MAPK8IP3: variants seen among roughly 807,000 people sequenced by gnomAD.
MAPK8IP3 encodes mitogen-activated protein kinase 8 interacting protein 3.
MAPK8IP3 carries 49 observed loss-of-function variants against 157.8 expected under a neutral mutation model. That is an observed-to-expected ratio of 0.31 (90% CI 0.25 to 0.39). The LOEUF (loss-of-function observed/expected upper bound fraction) is 0.39. Among genes scored for constraint, MAPK8IP3 ranks in the 10% least tolerant of loss-of-function variants. The pLI, the probability that MAPK8IP3 is intolerant of heterozygous loss-of-function variation, is 1.00. For synonymous variants in MAPK8IP3, 897 were observed against 777.7 expected, an observed-to-expected ratio of 1.15 and a Z score of -2.55; for missense variants, 1,478 against 1,889.4, an observed-to-expected ratio of 0.78 and a Z score of 4.04.
In MAPK8IP3 at chr16:1,743,779, T is replaced by C; in HGVS notation, c.747+303T>C. On this transcript the variant is annotated intron_variant, in intron 5 of 31. Coordinates refer to ENST00000610761, the MANE Select transcript of MAPK8IP3 (RefSeq NM_001318852.2). The surrounding 1 kb of genome is among the most constrained non-coding windows in gnomAD (Gnocchi z 5.6). Reference sequence around the variant, plus strand: ...CAGGGGTGTACAGTGCCTGTCAGGGTTGAGCTTAGTGATCCTCTCTCAAAC... The same window carrying C: ...CAGGGGTGTACAGTGCCTGTCAGGGCTGAGCTTAGTGATCCTCTCTCAAAC... The C allele has an allele frequency of 7.8e-7, 1 of 1,283,504 alleles. No homozygotes were observed. Among genetic ancestry groups the C allele is most frequent in the Non-Finnish European group, 9.8e-7 (1 of 1,016,686 alleles). 79.5% of individuals were successfully genotyped at this position (1,283,504 alleles called of 1,614,324 possible). A position where few individuals can be genotyped will look rare whatever the true frequency, so the allele number is the denominator to read the frequency against.
rs368248249 is a variant in MAPK8IP3, at chr16:1,724,709, T to G, written c.439+32T>G. ...GGCTGGCGGGAGCCTGGAGGCGCGC[T>G]TGATGGGCGCTGCTCTGGGACGGCT... On this transcript the variant is annotated intron_variant, in intron 2 of 31. Transcript: ENST00000610761. The surrounding 1 kb of genome is among the most constrained non-coding windows in gnomAD (Gnocchi z 4.1). 5.6e-6 allele frequency: 9 copies of G among 1,603,724 alleles called. No homozygotes were observed. The highest frequency in any genetic ancestry group is 1.3e-5 in the African/African-American group (1 of 74,774).
chr16:1,739,532 GTGTGACCA>G (rs2040472509), intron 4 of MAPK8IP3, among the ~76,000 whole-genome samples: 1 of 132,788 alleles, frequency 7.5e-6, no homozygotes, highest in African/African-American at 2.9e-5. Flanking sequence ...GTGAGCTTCC[GTGTGACCA>G]TCCGTGTGAG....
At chr16:1,737,091 A>AGT (rs199510581) in intron 4 of MAPK8IP3, among the ~76,000 whole-genome samples, 1 of 52,002 alleles carries the variant, frequency 1.9e-5, no homozygotes, top group South Asian at 1.2e-3. Flanking sequence ...CGTCCGTGTG[A>AGT]GTGTGACCAT....
intron 4 of MAPK8IP3, among the ~76,000 whole-genome samples, chr16:1,731,822 G>A (rs1322845013): frequency 6.6e-6 from 1 of 152,196 alleles, no homozygotes; most frequent in African/African-American, 2.4e-5. Flanking sequence ...TCCCCTAGGG[G>A]CAATGGTTTA....
chr16:1,738,343 CGT>C (rs1299122296), intron 4 of MAPK8IP3, among the ~76,000 whole-genome samples: 19 of 67,342 alleles, frequency 2.8e-4, no homozygotes, highest in Middle Eastern at 0.013. Context: ...TGTGACCGTC[CGT>C]GTGTGTGACC....
intron 19 of MAPK8IP3, 62 bp from the exon 20 acceptor site, chr16:1,764,951 C>T: frequency 6.5e-7 from 1 of 1,531,664 alleles, no homozygotes; most frequent in Non-Finnish European, 8.9e-7. Context: ...CCCCATGGCC[C>T]TGTGCTGCCA....
intron 8 of MAPK8IP3, among the ~76,000 whole-genome samples, chr16:1,749,401 C>T (rs1305093034): frequency 2.6e-5 from 4 of 152,176 alleles, no homozygotes; most frequent in South Asian, 2.1e-4. Context: ...TTAGCCTCGC[C>T]GCACACCCTA....
rs775876460 is a variant in MAPK8IP3 at position 1,747,069 on chromosome 16, C to T, written c.788C>T (p.Ala263Val). Residue 263 changes from alanine to valine, a missense_variant, in exon 6 of 32, where the codon GCG becomes GTG. Coordinates refer to ENST00000610761, the MANE Select transcript of MAPK8IP3 (RefSeq NM_001318852.2). ...ATGTCCGAGTCAGGCCAGTCCTCGG[C>T]GGCCGCCACACCCAGCACCACAGGC... The part of the protein sequence containing the change: ...DEMSESGQSS[A>V]AATPSTTGTK... The T allele has an allele frequency of 1.5e-5, 24 of 1,613,450 alleles. No individual in the cohort carries two copies. Among genetic ancestry groups the T allele is most frequent in the South Asian group, 1.3e-4 (12 of 91,080 alleles).
chr16:1,747,309 C>G, intron 6 of MAPK8IP3, 34 bp downstream of exon 6: 1 of 1,603,300 alleles, frequency 6.2e-7, no homozygotes, highest in Non-Finnish European at 8.5e-7. Context: ...TGGGCTCCCT[C>G]GGGCAGGAGG....
At chr16:1,761,145 G>T in intron 12 of MAPK8IP3, 79 bp from the exon 13 acceptor site, 1 of 1,133,786 alleles carries the variant, frequency 8.8e-7, no homozygotes. Flanking sequence ...ACACAGGTTC[G>T]GGGCGGGCAC....
intron 4 of MAPK8IP3, among the ~76,000 whole-genome samples, chr16:1,733,456 C>T (rs756502903): frequency 1.3e-5 from 2 of 152,348 alleles, no homozygotes; most frequent in Non-Finnish European, 2.9e-5. Flanking sequence ...CTGATGCTGC[C>T]GTCGTCATGG....
At chr16:1,722,632 A>G (rs2038603202) in intron 1 of MAPK8IP3, among the ~76,000 whole-genome samples, 1 of 151,790 alleles carries the variant, frequency 6.6e-6, no homozygotes, top group African/African-American at 2.4e-5. Flanking sequence ...TGGGAGGCTG[A>G]GGTGGGAGGA....
intron 4 of MAPK8IP3, among the ~76,000 whole-genome samples, chr16:1,729,937 A>C (rs1357177947): frequency 6.7e-6 from 1 of 149,534 alleles, no homozygotes; most frequent in Admixed American, 6.8e-5. Flanking sequence ...AGCCGGGCAC[A>C]GTGACTTATG....
At position 1,768,963 on chromosome 16, in the gene MAPK8IP3, C is replaced by G. The variant is rs182526808; in HGVS notation, c.*139C>G. On this transcript the variant is annotated 3_prime_UTR_variant, in exon 32 of 32. Coordinates refer to ENST00000610761, the MANE Select transcript of MAPK8IP3 (RefSeq NM_001318852.2). ...TGCAGCTTTCACCTGAGTCTGGCCC[C>G]TCCAGCGGGCAGGGAGTGCGGGGAT... The G allele has an allele frequency of 1.8e-5, 18 of 1,000,598 alleles. No individual in the cohort carries two copies. The highest frequency in any genetic ancestry group is 1.5e-5 in the Non-Finnish European group (10 of 687,186). 62.0% of individuals were successfully genotyped at this position (1,000,598 alleles called of 1,614,324 possible). A position where few individuals can be genotyped will look rare whatever the true frequency, so the allele number is the denominator to read the frequency against.
intron 1 of MAPK8IP3, chr16:1,713,849 G>C (rs2037956534): frequency 6.6e-6 from 1 of 152,128 alleles, no homozygotes; most frequent in Non-Finnish European, 1.5e-5. Context: ...TACTTAAAGA[G>C]TACAATTTGA....
rs1487732396 is a variant in MAPK8IP3 at position 1,767,520 on chromosome 16, TCTC to T, written c.3238-40_3238-38del. The stretch of plus-strand genomic sequence containing the variant: ...GGCAGGTTTGGGGCTCCCCACTTCC[TCTC>T]CTCTCCCCAGCCCTGTTGATGGGCA... On this transcript the variant is annotated intron_variant, in intron 26 of 31. Coordinates refer to ENST00000610761, the MANE Select transcript of MAPK8IP3 (RefSeq NM_001318852.2). 3.8e-6 allele frequency: 6 copies of T among 1,591,500 alleles called. No individual in the cohort carries two copies. In the Admixed American group the frequency reaches 8.5e-5, roughly 22 times the overall value.
rs755610211 is a variant in MAPK8IP3, at chr16:1,724,003, T to C, written c.319-554T>C. Among the ~76,000 whole-genome samples, 4 of 152,212 alleles carry C rather than the reference T, an allele frequency of 2.6e-5. No individual in the cohort carries two copies. Among genetic ancestry groups the C allele is most frequent in the Non-Finnish European group, 5.9e-5 (4 of 68,030 alleles). On this transcript the variant is annotated intron_variant, in intron 1 of 31. Transcript: ENST00000610761. The surrounding 1 kb of genome is among the most constrained non-coding windows in gnomAD (Gnocchi z 4.1). ...GGTTATCCCAGTAACGATGGTGTCCTGAGCTGAGCTGCAACTGACATGCAG... is the reference window on the plus strand; with the variant it reads ...GGTTATCCCAGTAACGATGGTGTCCCGAGCTGAGCTGCAACTGACATGCAG...
intron 4 of MAPK8IP3, 78 bp downstream of exon 4, chr16:1,729,656 T>TCGTAGTG: frequency 7.4e-7 from 1 of 1,344,644 alleles, no homozygotes; most frequent in African/African-American, 1.5e-5. Flanking sequence ...CATGCCAGGG[T>TCGTAGTG]CGTAGTGCTT....
rs2037411776 is a variant in MAPK8IP3, at chr16:1,706,741, C to T, written c.318+84C>T. On this transcript the variant is annotated intron_variant, in intron 1 of 31. Transcript: ENST00000610761. This position sits in a 1 kb window ranked among gnomAD's most constrained non-coding sequence, Gnocchi z 5.1. ...CCCCGGACCCAACACCCGTCCCGAC[C>T]CCAGACCCCGCTCCGGCACCCCGGA... 3.6e-6 allele frequency: 5 copies of T among 1,374,928 alleles called. No individual in the cohort carries two copies. The South Asian group carries it at 7.5e-5, about 21-fold the overall frequency. 85.2% of individuals were successfully genotyped at this position (1,374,928 alleles called of 1,614,324 possible).
Sources: allele counts gnomAD v4.1 joint callset (sites outside exome capture counted in the v4.1 genomes callset), GRCh38; gene constraint gnomAD v4.1.1; non-coding constraint Gnocchi (gnomAD v3.1); transcripts MANE v1.5; gene names NCBI Gene and HGNC (gene_info 2026-07-23, HGNC 2026-07-21).